The following PABPN1L variants were observed in gnomAD, a reference collection of about 807,000 sequenced individuals.
The protein encoded by PABPN1L is PABPN1 like, cytoplasmic, also known as embryonic polyadenylate-binding protein 2.
Under a neutral mutation model 34.0 loss-of-function variants are expected in PABPN1L, and 45 were observed. The ratio of observed to expected loss-of-function variants is 1.32; its 90% confidence interval spans 1.04 to 1.70. The LOEUF (loss-of-function observed/expected upper bound fraction) is 1.70, where lower values mean the gene tolerates loss of function less well. PABPN1L is among the 40% of genes most tolerant of loss of function. The pLI, the probability that PABPN1L is intolerant of heterozygous loss-of-function variation, is 0.00. For missense variants in PABPN1L, 459 were observed against 367.8 expected (o/e 1.25, Z -2.03); for synonymous variants, 182 against 152.1 (o/e 1.20, Z -1.45).
At chr16:88,868,227 G>A (rs1968638466), upstream of PABPN1L, among the ~76,000 whole-genome samples, 1 of 152,200 alleles carries the variant, frequency 6.6e-6, no homozygotes, top group South Asian at 2.1e-4. Context: ...CAGTTTAGAG[G>A]TGTATCTTGC....
At chr16:88,866,077 C>T (rs1968585218) in intron 1 of PABPN1L, 136 bp from the exon 2 acceptor site, 1 of 1,366,836 alleles carries the variant, frequency 7.3e-7, no homozygotes, top group African/African-American at 1.5e-5. Context: ...ACACTCCTTC[C>T]TGGGGCAGCT....
At chr16:88,870,097 C>A (rs910439659), upstream of PABPN1L, among the ~76,000 whole-genome samples, 1 of 145,096 alleles carries the variant, frequency 6.9e-6, no homozygotes, top group African/African-American at 2.5e-5. Flanking sequence ...GTTTTCATTT[C>A]TTTTTTTTTT....
At chr16:88,865,181 G>T (rs1597640358) in intron 3 of PABPN1L, 53 bp from the exon 4 acceptor site, 1 of 1,530,272 alleles carries the variant, frequency 6.5e-7, no homozygotes, top group South Asian at 1.2e-5. Context: ...CCTGACTCGG[G>T]GCCTTCTTGT....
chr16:88,866,476 C>T, exon 1 of PABPN1L: 1 of 1,551,484 alleles, frequency 6.4e-7, no homozygotes, highest in Non-Finnish European at 8.7e-7. Context: ...CCCTTCCCCA[C>T]CCTCTGGCCC....
intron 1 of PABPN1L, 50 bp downstream of exon 1, chr16:88,866,302 C>T (rs1272203239): frequency 1.3e-6 from 2 of 1,523,618 alleles, no homozygotes; most frequent in Admixed American, 2.0e-5. Context: ...TCCACCAGCC[C>T]CTGTGCCCCA....
exon 7 of PABPN1L, chr16:88,863,688 A>G (rs942216581): frequency 1.5e-4 from 225 of 1,506,722 alleles, no homozygotes; most frequent in Non-Finnish European, 1.9e-4. Context: ...CCCCAGCCCC[A>G]GGATGGAGCA....
chr16:88,867,104 C>T (rs867270112), upstream of PABPN1L, among the ~76,000 whole-genome samples: 10 of 152,222 alleles, frequency 6.6e-5, no homozygotes, highest in Middle Eastern at 3.4e-3. Context: ...ATGAGAGGGC[C>T]GAGGCAGGTT....
chr16:88,863,797 T>C lies in PABPN1L; in HGVS notation c.798-2A>G, dbSNP rs1968507051. ...CATGGTGAGAATTTTCCACGGGCCC[T>C]GCACGGAGAGAGAACACACACTGAG... On this transcript the variant is annotated splice_acceptor_variant, in intron 6 of 6. Coordinates refer to ENST00000419291, the Ensembl canonical transcript of PABPN1L. LOFTEE classifies it high-confidence loss of function. The C allele has an allele frequency of 6.5e-7, 1 of 1,534,756 alleles. No homozygotes were observed. Among genetic ancestry groups the C allele is most frequent in the African/African-American group, 1.4e-5 (1 of 73,032 alleles).
exon 7 of PABPN1L, chr16:88,863,509 C>CATGCCAGGTG: frequency 1.7e-6 from 1 of 602,698 alleles, no homozygotes; most frequent in East Asian, 2.8e-5. Context: ...CGCAGATCCC[C>CATGCCAGGTG]GTGGGGCCCA....
Position 88,863,802 on chromosome 16 carries a change from GGA to G in PABPN1L, c.798-9_798-8del, listed in dbSNP as rs1180534187. The G allele has an allele frequency of 2.0e-6, 3 of 1,535,682 alleles. No individual in the cohort carries two copies. The highest frequency in any genetic ancestry group is 2.6e-6 in the Non-Finnish European group (3 of 1,146,722). ...TGAGAATTTTCCACGGGCCCTGCAC[GGA>G]GAGAGAACACACACTGAGTGGCCTT... On this transcript the variant is annotated splice_region_variant and splice_polypyrimidine_tract_variant and intron_variant, in intron 6 of 6. Transcript: ENST00000419291.
At chr16:88,867,076 C>T (rs753142144), upstream of PABPN1L, among the ~76,000 whole-genome samples, 5 of 152,136 alleles carry the variant, frequency 3.3e-5, no homozygotes, top group Non-Finnish European at 7.4e-5. Flanking sequence ...GAGCAGAGAC[C>T]GAGAGCAGGT....
upstream of PABPN1L, among the ~76,000 whole-genome samples, chr16:88,868,862 A>G (rs1241783495): frequency 6.6e-6 from 1 of 152,204 alleles, no homozygotes; most frequent in Non-Finnish European, 1.5e-5. Context: ...GCCACAGGGA[A>G]TAGGAAGCTG....
At chr16:88,864,269 G>A in exon 6 of PABPN1L, 2 of 1,546,458 alleles carry the variant, frequency 1.3e-6, no homozygotes, top group Non-Finnish European at 1.7e-6. Context: ...GCCGGGGCCT[G>A]CCCTGGAGGC....
chr16:88,865,264 C>G (rs914590520), intron 3 of PABPN1L, 136 bp from the exon 4 acceptor site: 12 of 907,356 alleles, frequency 1.3e-5, no homozygotes, highest in Non-Finnish European at 2.0e-5. Context: ...CCCACACCCC[C>G]GCTGGGGTTG....
At chr16:88,869,454 C>T (rs868099170), upstream of PABPN1L, among the ~76,000 whole-genome samples, 13 of 152,372 alleles carry the variant, frequency 8.5e-5, no homozygotes, top group Middle Eastern at 3.4e-3. Context: ...GCTGTCCTCA[C>T]GCCTTTCCTG....
chr16:88,866,508 C>CA lies in PABPN1L; in HGVS notation c.98_99insT (p.Trp33CysfsTer47). The CA allele has an allele frequency of 6.4e-7, 1 of 1,551,196 alleles. No individual in the cohort carries two copies. The highest frequency in any genetic ancestry group is 1.2e-5 in the South Asian group (1 of 84,066). ...GCCCCAGAATCTCCTTGGTCTCGTT[C>CA]CAGGCCCCCCAGCCCTGGGCCTCAG... On this transcript the variant is annotated frameshift_variant, in exon 1 of 7. Transcript: ENST00000419291. LOFTEE classifies it high-confidence loss of function.
At chr16:88,864,528 T>C in intron 5 of PABPN1L, 149 bp from the exon 6 acceptor site, 1 of 1,200,608 alleles carries the variant, frequency 8.3e-7, no homozygotes, top group Non-Finnish European at 1.1e-6. Flanking sequence ...TTGCCTACCA[T>C]AGCTGTCATA....
upstream of PABPN1L, among the ~76,000 whole-genome samples, chr16:88,869,691 A>G (rs1327149916): frequency 6.6e-6 from 1 of 152,214 alleles, no homozygotes; most frequent in African/African-American, 2.4e-5. Flanking sequence ...CAGGATTGCA[A>G]CCAGTTCCAT....
chr16:88,869,572 G>A (rs1031226909), upstream of PABPN1L, among the ~76,000 whole-genome samples: 10 of 152,206 alleles, frequency 6.6e-5, no homozygotes, highest in South Asian at 2.1e-4. Context: ...GGTGGAGTGC[G>A]GCCTCAGCCT....
Sources: allele counts gnomAD v4.1 joint callset (sites outside exome capture counted in the v4.1 genomes callset), GRCh38; gene constraint gnomAD v4.1.1; transcripts MANE v1.5; gene names NCBI Gene and HGNC (gene_info 2026-07-23, HGNC 2026-07-21).